RTN1: variants seen among roughly 807,000 people sequenced by gnomAD.
RTN1 encodes the protein reticulon 1.
Under a neutral mutation model 65.5 loss-of-function variants are expected in RTN1, and 25 were observed. That is an observed-to-expected ratio of 0.38 (90% CI 0.28 to 0.53). The LOEUF is 0.53. Among genes scored for constraint, RTN1 ranks in the 20% least tolerant of loss-of-function variants. The pLI is 0.79. For missense variants in RTN1, 983 were observed against 1,025.4 expected, an observed-to-expected ratio of 0.96 and a Z score of 0.57; for synonymous variants, 471 against 447.6, an observed-to-expected ratio of 1.05 and a Z score of -0.66.
chr14:59,747,764 A>G (rs933505134), intron 1 of RTN1, among the ~76,000 whole-genome samples: 1 of 152,146 alleles, frequency 6.6e-6, no homozygotes, highest in South Asian at 2.1e-4. Context: ...AATTTTTACA[A>G]TTGTACAAAT....
chr14:59,656,524 C>A (rs1456539549), intron 3 of RTN1, among the ~76,000 whole-genome samples: 1 of 152,202 alleles, frequency 6.6e-6, no homozygotes, highest in African/African-American at 2.4e-5. Flanking sequence ...GGCACATATA[C>A]ATACAGGTTA....
intron 3 of RTN1, among the ~76,000 whole-genome samples, chr14:59,657,742 CA>C (rs752164254): frequency 3.3e-5 from 5 of 152,214 alleles, no homozygotes; most frequent in Non-Finnish European, 7.3e-5. Context: ...ATGGTCTTTG[CA>C]ACCCGCAGAC....
chr14:59,630,561 T>G (rs1882521319), intron 3 of RTN1: 3 of 1,608,290 alleles, frequency 1.9e-6, no homozygotes, highest in African/African-American at 2.7e-5. Flanking sequence ...GAGCGTGCAC[T>G]CAAGCGTTGG....
chr14:59,820,372 T>C (rs2139627499), intron 1 of RTN1, among the ~76,000 whole-genome samples: 1 of 150,008 alleles, frequency 6.7e-6, no homozygotes, highest in Non-Finnish European at 1.5e-5. Flanking sequence ...TTTTTTTTTT[T>C]TTTTTTTGCT....
intron 3 of RTN1, among the ~76,000 whole-genome samples, chr14:59,674,387 A>T (rs1350697446): frequency 5.9e-5 from 9 of 152,242 alleles, no homozygotes; most frequent in Non-Finnish European, 5.9e-5. Flanking sequence ...TGAATAAACT[A>T]CAGTAACAAG....
At chr14:59,716,532 A>G (rs747197701) in intron 3 of RTN1, among the ~76,000 whole-genome samples, 19 of 152,242 alleles carry the variant, frequency 1.2e-4, no homozygotes, top group Non-Finnish European at 1.9e-4. Flanking sequence ...GCTTGTTTCA[A>G]GGAAAATTCG....
intron 1 of RTN1, among the ~76,000 whole-genome samples, chr14:59,777,934 G>A (rs373850542): frequency 2.6e-5 from 4 of 151,888 alleles, no homozygotes; most frequent in East Asian, 3.9e-4. Flanking sequence ...CAGCCTCTAC[G>A]TGTCTCTTTA....
At chr14:59,710,713 C>T (rs1884400792) in intron 3 of RTN1, among the ~76,000 whole-genome samples, 1 of 152,216 alleles carries the variant, frequency 6.6e-6, no homozygotes, top group African/African-American at 2.4e-5. Flanking sequence ...GCTTTGGAAG[C>T]CTCAGGTCGG....
At chr14:59,796,483 C>A (rs1224144877) in intron 1 of RTN1, among the ~76,000 whole-genome samples, 3 of 152,082 alleles carry the variant, frequency 2.0e-5, no homozygotes, top group African/African-American at 7.2e-5. Flanking sequence ...AGGAAAATAC[C>A]CCTACTTCTT....
chr14:59,813,289 T>C (rs1429659926), intron 1 of RTN1, among the ~76,000 whole-genome samples: 1 of 152,192 alleles, frequency 6.6e-6, no homozygotes, highest in Non-Finnish European at 1.5e-5. Context: ...TTCTAATCCA[T>C]CTAAAAATCT....
rs575228021 is a variant in RTN1, at chr14:59,676,943, A to G, written c.1765+49976T>C. 4.9e-4 allele frequency among the ~76,000 whole-genome samples: 75 copies of G among 152,356 alleles called. No homozygotes were observed. The South Asian group carries it at 0.011, about 23-fold the overall frequency. ...GCCCAAAGAGGTTTTCTGGGAAGGCATTATAAGTTCAGATGATGGGAACAG... is the reference window on the plus strand; with the variant it reads ...GCCCAAAGAGGTTTTCTGGGAAGGCGTTATAAGTTCAGATGATGGGAACAG... On this transcript the variant is annotated intron_variant, in intron 3 of 8. Coordinates refer to ENST00000267484, the MANE Select transcript of RTN1 (RefSeq NM_021136.3).
In RTN1 at chr14:59,794,193, G is replaced by A. The variant is rs781194286; in HGVS notation, c.242-47712C>T. Among the ~76,000 whole-genome samples, 14 of 152,106 alleles carry A rather than the reference G, an allele frequency of 9.2e-5. No individual in the cohort carries two copies. The highest frequency in any genetic ancestry group is 1.5e-4 in the Non-Finnish European group (10 of 68,028). ...TATCTTGGCCGTAATGATTAATTCC[G>A]GTATAGACATGTGACTTAAAATTGT... On this transcript the variant is annotated intron_variant, in intron 1 of 8. Coordinates refer to ENST00000267484, the MANE Select transcript of RTN1 (RefSeq NM_021136.3). The surrounding 1 kb of genome is among the most constrained non-coding windows in gnomAD (Gnocchi z 5.1).
rs1336116779 is a variant in RTN1 at position 59,794,048 on chromosome 14, G to A, written c.242-47567C>T. Among the ~76,000 whole-genome samples, 1 of 152,132 alleles carries A rather than the reference G, an allele frequency of 6.6e-6. No individual in the cohort carries two copies. The highest frequency in any genetic ancestry group is 2.4e-5 in the African/African-American group (1 of 41,440). On this transcript the variant is annotated intron_variant, in intron 1 of 8. Transcript: ENST00000267484. This position sits in a 1 kb window ranked among gnomAD's most constrained non-coding sequence, Gnocchi z 5.1. ...ACTGAGTACCGGCCATGAATCTTGA[G>A]TTAGACTGACCCTTCCTCCAGTCCT...
chr14:59,830,552 C>T (rs1566741200), intron 1 of RTN1, among the ~76,000 whole-genome samples: 1 of 152,186 alleles, frequency 6.6e-6, no homozygotes, highest in Non-Finnish European at 1.5e-5. Context: ...TTGTGTGACT[C>T]CGAGCAAACA....
At chr14:59,654,338 G>A (rs1883078170) in intron 3 of RTN1, among the ~76,000 whole-genome samples, 1 of 150,920 alleles carries the variant, frequency 6.6e-6, no homozygotes, top group African/African-American at 2.4e-5. Context: ...TGAGGCAGGA[G>A]AATTGTTTGA....
At chr14:59,837,490 A>T (rs1252276119) in intron 1 of RTN1, among the ~76,000 whole-genome samples, 1 of 152,118 alleles carries the variant, frequency 6.6e-6, no homozygotes, top group Admixed American at 6.5e-5. Flanking sequence ...TGTCAACACC[A>T]TTAAAAACAT....
intron 3 of RTN1, among the ~76,000 whole-genome samples, chr14:59,643,118 AG>A: frequency 3.9e-5 from 6 of 152,320 alleles, no homozygotes; most frequent in Admixed American, 3.9e-4. Flanking sequence ...GAAAAAAGAA[AG>A]AACACAAGGC....
chr14:59,780,279 A>G (rs536173061), intron 1 of RTN1, among the ~76,000 whole-genome samples: 288 of 152,332 alleles, frequency 1.9e-3, no homozygotes, highest in African/African-American at 6.5e-3. Flanking sequence ...GAGGGTTCTC[A>G]GGAAATACAA....
At chr14:59,819,069 A>G (rs1886874187) in intron 1 of RTN1, among the ~76,000 whole-genome samples, 2 of 152,198 alleles carry the variant, frequency 1.3e-5, no homozygotes, top group South Asian at 4.1e-4. Flanking sequence ...AAGGTGGCGC[A>G]TCCCGAGTCG....
Sources: allele counts gnomAD v4.1 joint callset (sites outside exome capture counted in the v4.1 genomes callset), GRCh38; gene constraint gnomAD v4.1.1; non-coding constraint Gnocchi (gnomAD v3.1); transcripts MANE v1.5; gene names NCBI Gene and HGNC (gene_info 2026-07-23, HGNC 2026-07-21).